Variants in FBXO4 observed in about 807,000 individuals in gnomAD.
FBXO4 encodes the protein F-box only protein 4.
Under a neutral mutation model 43.7 loss-of-function variants are expected in FBXO4, and 36 were observed. The observed-to-expected ratio is 0.82, with a 90% CI of 0.63 to 1.09. The LOEUF is 1.09. Among genes scored for constraint, FBXO4 ranks in the 50% least tolerant of loss-of-function variants. The pLI, the probability that FBXO4 is intolerant of heterozygous loss-of-function variation, is 0.00. For missense variants in FBXO4, 435 were observed against 474.1 expected (o/e 0.92, Z 0.77); for synonymous variants, 180 against 165.6 (o/e 1.09, Z -0.67).
chr5:41,966,262 G>A, the FBXO4 span, among the ~76,000 whole-genome samples: 5 of 151,894 alleles, frequency 3.3e-5, no homozygotes, highest in Admixed American at 6.6e-5. Flanking sequence ...TAACCTGCAC[G>A]TTGTGCACAC....
chr5:42,036,076 A>G, the FBXO4 span, among the ~76,000 whole-genome samples: 1 of 152,156 alleles, frequency 6.6e-6, no homozygotes, highest in Non-Finnish European at 1.5e-5. Context: ...CAGACTGCTT[A>G]AAACAGTCTC....
At chr5:41,987,946 A>G in the FBXO4 span, among the ~76,000 whole-genome samples, 4 of 152,152 alleles carry the variant, frequency 2.6e-5, no homozygotes, top group African/African-American at 9.7e-5. Context: ...TCCTGGTTTG[A>G]TAATGCCAAT....
At chr5:41,999,534 T>TATAC in the FBXO4 span, among the ~76,000 whole-genome samples, 2 of 101,112 alleles carry the variant, frequency 2.0e-5, no homozygotes, top group African/African-American at 5.0e-5. Flanking sequence ...CATATATATA[T>TATAC]ACATATATAT....
the FBXO4 span, among the ~76,000 whole-genome samples, chr5:42,032,199 A>G: frequency 6.6e-6 from 1 of 151,294 alleles, no homozygotes; most frequent in African/African-American, 2.4e-5. Flanking sequence ...GCACAGCACT[A>G]TTTCTCACCC....
At chr5:42,029,742 T>G in the FBXO4 span, among the ~76,000 whole-genome samples, 2 of 152,130 alleles carry the variant, frequency 1.3e-5, no homozygotes, top group Non-Finnish European at 2.9e-5. Context: ...ATTAAATGAC[T>G]CTGATACATT....
Position 41,925,343 on chromosome 5 carries a change from TCGC to T in FBXO4, c.45_47del (p.Pro16del), listed in dbSNP as rs921727198. 9 of 1,365,026 alleles carry T rather than the reference TCGC, an allele frequency of 6.6e-6. No individual in the cohort carries two copies. The highest frequency in any genetic ancestry group is 1.8e-5 in the South Asian group (1 of 56,998). The allele number at this position is 1,365,026 out of a possible 1,614,324, so 84.6% of individuals were successfully genotyped here. On this transcript the variant is annotated inframe_deletion, in exon 1 of 7. Coordinates refer to ENST00000281623, the MANE Select transcript of FBXO4 (RefSeq NM_012176.3). Reference sequence around the variant, plus strand: ...AAGCGAGCCGCGCAGCGGAACAAACTCGCCGCCGCCGCCCTTCAGCGACTGGGG... The same window carrying T: ...AAGCGAGCCGCGCAGCGGAACAAACTCGCCGCCGCCCTTCAGCGACTGGGG...
chr5:41,951,628 A>G, the FBXO4 span: 1 of 204,040 alleles, frequency 4.9e-6, no homozygotes, highest in South Asian at 7.8e-5. Context: ...ATGGGTGTTC[A>G]CAGGAGATGG....
chr5:42,036,288 T>C, the FBXO4 span, among the ~76,000 whole-genome samples: 1 of 151,980 alleles, frequency 6.6e-6, no homozygotes, highest in Non-Finnish European at 1.5e-5. Context: ...AGTAAAGTTA[T>C]GTCTACAGAA....
the FBXO4 span, among the ~76,000 whole-genome samples, chr5:42,013,210 G>A: frequency 6.6e-6 from 1 of 152,102 alleles, no homozygotes; most frequent in Non-Finnish European, 1.5e-5. Context: ...AGGCTGGGAG[G>A]TCAAGGCTGC....
the FBXO4 span, among the ~76,000 whole-genome samples, chr5:41,993,122 C>T: frequency 1.3e-5 from 2 of 152,280 alleles, no homozygotes; most frequent in Middle Eastern, 3.4e-3. Context: ...TTCTATCCTT[C>T]ATAAATTCAT....
At chr5:41,954,945 A>G in the FBXO4 span, among the ~76,000 whole-genome samples, 1 of 152,190 alleles carries the variant, frequency 6.6e-6, no homozygotes, top group African/African-American at 2.4e-5. Context: ...ACTTAGAAAA[A>G]CTATAATTCA....
the FBXO4 span, among the ~76,000 whole-genome samples, chr5:42,027,058 T>C: frequency 5.9e-5 from 9 of 151,930 alleles, no homozygotes; most frequent in African/African-American, 2.2e-4. Flanking sequence ...AATGCTGGCC[T>C]CATAGAATGA....
the FBXO4 span, among the ~76,000 whole-genome samples, chr5:42,040,042 A>C: frequency 1.3e-5 from 2 of 152,102 alleles, no homozygotes; most frequent in Non-Finnish European, 2.9e-5. Context: ...GCAGCTTTGT[A>C]AGATCCTGAG....
At chr5:41,966,043 A>G in the FBXO4 span, among the ~76,000 whole-genome samples, 2 of 152,168 alleles carry the variant, frequency 1.3e-5, no homozygotes, top group Non-Finnish European at 2.9e-5. Flanking sequence ...AAACTATCAC[A>G]AGGACAAAAA....
At chr5:41,999,499 A>T in the FBXO4 span, among the ~76,000 whole-genome samples, 1 of 98,456 alleles carries the variant, frequency 1.0e-5, no homozygotes, top group African/African-American at 6.0e-5. Flanking sequence ...ATATACATAT[A>T]TATATGTGTA....
the FBXO4 span, among the ~76,000 whole-genome samples, chr5:42,039,850 A>C: frequency 1.3e-5 from 2 of 152,108 alleles, no homozygotes; most frequent in Non-Finnish European, 2.9e-5. Flanking sequence ...ATTTAAAAGA[A>C]TGCCTAGATT....
chr5:41,930,268 C>T (rs1751643584), intron 3 of FBXO4: 1 of 173,856 alleles, frequency 5.8e-6, no homozygotes, highest in Admixed American at 6.3e-5. Context: ...TATTGGAATT[C>T]AAAAGATTTA....
chr5:42,022,735 T>G, the FBXO4 span, among the ~76,000 whole-genome samples: 4 of 152,038 alleles, frequency 2.6e-5, no homozygotes, highest in Non-Finnish European at 5.9e-5. Context: ...GGTGGAGAAG[T>G]TGGGAAATAA....
At chr5:42,001,462 C>T in the FBXO4 span, among the ~76,000 whole-genome samples, 115 of 152,142 alleles carry the variant, frequency 7.6e-4, no homozygotes, top group African/African-American at 2.6e-3. Flanking sequence ...GAACTCTTGA[C>T]CTGAAGTGAT....
Sources: allele counts gnomAD v4.1 joint callset (sites outside exome capture counted in the v4.1 genomes callset), GRCh38; gene constraint gnomAD v4.1.1; transcripts MANE v1.5; gene names NCBI Gene and HGNC (gene_info 2026-07-23, HGNC 2026-07-21).